LPP: variants seen among roughly 807,000 people sequenced by gnomAD.
The protein encoded by LPP is LIM domain containing preferred translocation partner in lipoma, also known as lipoma-preferred partner.
LPP carries 38 observed loss-of-function variants against 60.4 expected under a neutral mutation model. The ratio of observed to expected loss-of-function variants is 0.63; its 90% CI spans 0.49 to 0.83. LPP has a LOEUF of 0.83. LPP is among the 40% of genes least tolerant of loss of function. The pLI, the probability that LPP is intolerant of heterozygous loss-of-function variation, is 0.00. For missense variants in LPP, 902 were observed against 783.6 expected (o/e 1.15, Z -1.80); for synonymous variants, 328 against 290.8 (o/e 1.13, Z -1.30).
At chr3:188,722,258 G>T (rs979642768) in intron 8 of LPP, among the ~76,000 whole-genome samples, 1 of 152,162 alleles carries the variant, frequency 6.6e-6, no homozygotes, top group Non-Finnish European at 1.5e-5. Flanking sequence ...GCGTCACTGT[G>T]TTTCAGCATT....
intron 4 of LPP, among the ~76,000 whole-genome samples, chr3:188,457,435 G>A (rs1797964852): frequency 6.6e-6 from 1 of 152,082 alleles, no homozygotes. Flanking sequence ...TGAAAGAAAG[G>A]AAAATCCATT....
intron 1 of LPP, among the ~76,000 whole-genome samples, chr3:188,188,797 T>C (rs947427010): frequency 1.3e-5 from 2 of 152,204 alleles, no homozygotes; most frequent in Admixed American, 6.5e-5. Context: ...ATGGTATTAC[T>C]ATAAAACTTC....
chr3:188,807,708 G>T (rs1749600515), intron 9 of LPP, among the ~76,000 whole-genome samples: 2 of 152,014 alleles, frequency 1.3e-5, no homozygotes, highest in South Asian at 4.1e-4. Context: ...TCATAAGACA[G>T]AATGAGAAAT....
chr3:188,172,308 TG>T (rs1721811800), intron 1 of LPP, among the ~76,000 whole-genome samples: 1 of 152,222 alleles, frequency 6.6e-6, no homozygotes, highest in Non-Finnish European at 1.5e-5. Context: ...CATTCTGGCC[TG>T]CCAAAAATAC....
rs532663137 is a variant in LPP, at chr3:188,203,511, A to ATTTTTAAATATATATATATT, written c.-189-21891_-189-21890insTTAAATATATATATATTTTT. Among the ~76,000 whole-genome samples the ATTTTTAAATATATATATATT allele has an allele frequency of 7.9e-3, 428 of 53,974 alleles. 14 individuals are homozygous for ATTTTTAAATATATATATATT. The highest frequency in any genetic ancestry group is 0.024 in the African/African-American group (398 of 16,532). 35.4% of individuals were successfully genotyped at this position (53,974 alleles called of 152,430 possible). A position where few individuals can be genotyped will look rare whatever the true frequency, so the allele number is the denominator to read the frequency against. On this transcript the variant is annotated intron_variant, in intron 1 of 11. Transcript: ENST00000617246. ...TTTTTAAATATATATAAATATATAT[A>ATTTTTAAATATATATATATT]TTTAAATATATATAAATATATATTT...
At position 188,881,121 on chromosome 3, in the gene LPP, A is replaced by C. The variant is rs75333195; in HGVS notation, c.*6642A>C. Reference sequence around the variant, plus strand: ...CGCCACTGCAGTCCGGCCTGGGCGAAAGAGCGAGACTCCGTCTCAAAAAAA... The same window carrying C: ...CGCCACTGCAGTCCGGCCTGGGCGACAGAGCGAGACTCCGTCTCAAAAAAA... On this transcript the variant is annotated 3_prime_UTR_variant, in exon 12 of 12. Transcript: ENST00000617246. The C allele has an allele frequency of 0.041, 6,377 of 154,646 alleles. 173 individuals are homozygous for C. Among genetic ancestry groups the C allele is most frequent in the Non-Finnish European group, 0.055 (3,944 of 71,472 alleles). The allele number at this position is 154,646 out of a possible 1,614,324, so 9.6% of individuals were successfully genotyped here. A position where few individuals can be genotyped will look rare whatever the true frequency, so the allele number is the denominator to read the frequency against.
At chr3:188,872,954 A>G (rs934142788) in intron 11 of LPP, among the ~76,000 whole-genome samples, 191 bp downstream of exon 11, 2 of 152,178 alleles carry the variant, frequency 1.3e-5, no homozygotes, top group Admixed American at 6.5e-5. Context: ...TACCTCTCTC[A>G]GTCTGCTTGC....
chr3:188,622,836 T>C (rs1240507437), intron 7 of LPP, among the ~76,000 whole-genome samples: 1 of 152,082 alleles, frequency 6.6e-6, no homozygotes, highest in East Asian at 1.9e-4. Flanking sequence ...GATACCAGCC[T>C]GACCAACATG....
intron 4 of LPP, among the ~76,000 whole-genome samples, chr3:188,422,160 G>A (rs868499786): frequency 7.6e-4 from 115 of 152,252 alleles, no homozygotes; most frequent in African/African-American, 2.7e-3. Flanking sequence ...TCTCTGAAGA[G>A]TAGAGGTGGA....
intron 8 of LPP, among the ~76,000 whole-genome samples, chr3:188,740,097 T>C (rs969184820): frequency 2.0e-5 from 3 of 152,092 alleles, no homozygotes; most frequent in Admixed American, 6.6e-5. Context: ...TATCCCCTTA[T>C]GTACTAACAG....
chr3:188,760,435 T>TGTGTGTGTGTGCGCGC (rs777127864), intron 9 of LPP, among the ~76,000 whole-genome samples, 153 bp downstream of exon 9: 13 of 151,080 alleles, frequency 8.6e-5, no homozygotes, highest in African/African-American at 2.7e-4. Flanking sequence ...TGTGTGTGTG[T>TGTGTGTGTGTGCGCGC]GCGTGCGCGC....
chr3:188,238,480 T>C (rs994292705), intron 2 of LPP, among the ~76,000 whole-genome samples: 1 of 152,174 alleles, frequency 6.6e-6, no homozygotes, highest in East Asian at 1.9e-4. Flanking sequence ...TAACCATTTC[T>C]AGCTTTTGAT....
intron 8 of LPP, chr3:188,712,643 A>T (rs1712042686): frequency 6.6e-6 from 1 of 152,136 alleles, no homozygotes; most frequent in South Asian, 2.1e-4. Context: ...TTTTTGCAGG[A>T]CTATCCTCTC....
chr3:188,341,750 GA>G (rs1763117134), intron 3 of LPP, 31 bp downstream of exon 3: 3 of 904,638 alleles, frequency 3.3e-6, no homozygotes, highest in Non-Finnish European at 1.3e-6. Flanking sequence ...TCTTGTTTAT[GA>G]AATACTAATA....
At chr3:188,302,179 A>G (rs543107179) in intron 2 of LPP, among the ~76,000 whole-genome samples, 3 of 152,210 alleles carry the variant, frequency 2.0e-5, no homozygotes, top group East Asian at 1.9e-4. Flanking sequence ...CTCTCGTTTA[A>G]TTCTCCCATC....
chr3:188,737,382 T>G (rs1300275939), intron 8 of LPP, among the ~76,000 whole-genome samples: 1 of 152,160 alleles, frequency 6.6e-6, no homozygotes, highest in Non-Finnish European at 1.5e-5. Context: ...AGCCAGTAAT[T>G]TATCAAAGAG....
At chr3:188,658,137 G>GTTTAGT (rs375100095) in intron 7 of LPP, among the ~76,000 whole-genome samples, 1,567 of 146,106 alleles carry the variant, frequency 0.011, 37 homozygotes, top group African/African-American at 0.028. Flanking sequence ...TTTAGTTTAG[G>GTTTAGT]TTAGTTTAGT....
At chr3:188,637,505 A>T (rs964095258) in intron 7 of LPP, among the ~76,000 whole-genome samples, 2 of 150,684 alleles carry the variant, frequency 1.3e-5, no homozygotes, top group Admixed American at 1.3e-4. Context: ...GCAAGAAATA[A>T]CTAAAATCAG....
intron 8 of LPP, among the ~76,000 whole-genome samples, chr3:188,737,032 A>T (rs1722767682): frequency 6.6e-6 from 1 of 152,082 alleles, no homozygotes; most frequent in Non-Finnish European, 1.5e-5. Context: ...AATGGGTAGA[A>T]TTTCTTTTTA....
Sources: gnomAD v4.1 joint callset for allele counts (sites outside exome capture counted in the v4.1 genomes callset) on GRCh38, gnomAD v4.1.1 for gene constraint, MANE v1.5 for transcripts, NCBI Gene and HGNC (gene_info 2026-07-23, HGNC 2026-07-21) for gene names.